Variants in PDE7B observed in about 807,000 individuals in gnomAD.
PDE7B encodes the protein 3',5'-cyclic-AMP phosphodiesterase 7B.
A neutral mutation model predicts 56.2 loss-of-function variants in PDE7B; 29 were observed. That is an observed-to-expected ratio of 0.52 (90% CI 0.38 to 0.70). The LOEUF (loss-of-function observed/expected upper bound fraction) is 0.70, where lower values mean the gene tolerates loss of function less well. PDE7B is among the 30% of genes least tolerant of loss of function. The probability of loss-of-function intolerance (pLI) is 0.00; values close to 1 mark genes in which losing one functional copy is unlikely to be tolerated. For synonymous variants in PDE7B, 197 were observed against 196.9 expected (o/e 1.00, Z 0.00); for missense variants, 490 against 565.0 (o/e 0.87, Z 1.35).
intron 2 of PDE7B, among the ~76,000 whole-genome samples, chr6:135,953,627 C>T (rs1383495353): frequency 6.6e-6 from 1 of 152,014 alleles, no homozygotes; most frequent in Admixed American, 6.6e-5. Context: ...TAAGTCCTTG[C>T]ACTTCATTTT....
At chr6:136,079,004 A>G (rs1422801385) in intron 2 of PDE7B, among the ~76,000 whole-genome samples, 1 of 152,172 alleles carries the variant, frequency 6.6e-6, no homozygotes. Context: ...TATACCCCTC[A>G]TACTGTTGTC....
intron 1 of PDE7B, among the ~76,000 whole-genome samples, chr6:135,924,770 G>A (rs1381473291): frequency 6.7e-6 from 1 of 150,348 alleles, no homozygotes; most frequent in African/African-American, 2.4e-5. Context: ...TAATGTAAAA[G>A]TATATTTACT....
At chr6:136,123,107 T>A (rs113519126) in intron 3 of PDE7B, among the ~76,000 whole-genome samples, 2,436 of 152,288 alleles carry the variant, frequency 0.016, 60 homozygotes, top group African/African-American at 0.054. Context: ...ATCCCGCACT[T>A]TGGGAGGCTG....
At chr6:135,942,669 C>G (rs377201041) in intron 1 of PDE7B, among the ~76,000 whole-genome samples, 2 of 152,092 alleles carry the variant, frequency 1.3e-5, no homozygotes, top group African/African-American at 4.8e-5. Context: ...ATCCCAAGCT[C>G]CTGGTAAATA....
intron 2 of PDE7B, among the ~76,000 whole-genome samples, chr6:136,033,452 G>A (rs1776274565): frequency 6.6e-6 from 1 of 152,130 alleles, no homozygotes; most frequent in African/African-American, 2.4e-5. Flanking sequence ...GGCCGGGCAG[G>A]TCCCCAGTAC....
intron 2 of PDE7B, among the ~76,000 whole-genome samples, chr6:136,079,465 C>T (rs1315137107): frequency 3.3e-5 from 5 of 152,022 alleles, no homozygotes; most frequent in Non-Finnish European, 7.4e-5. Context: ...TTCAATGGCT[C>T]CAGAGTAACA....
At chr6:136,131,616 A>C (rs1778119988) in intron 3 of PDE7B, among the ~76,000 whole-genome samples, 1 of 151,590 alleles carries the variant, frequency 6.6e-6, no homozygotes, top group African/African-American at 2.4e-5. Flanking sequence ...TCTTTTCCAA[A>C]GCTGGGGGCA....
At chr6:136,098,465 A>G (rs1422125230) in intron 2 of PDE7B, among the ~76,000 whole-genome samples, 1 of 152,196 alleles carries the variant, frequency 6.6e-6, no homozygotes, top group Admixed American at 6.5e-5. Flanking sequence ...TGTAAAAATT[A>G]TATTTAGTTT....
intron 7 of PDE7B, among the ~76,000 whole-genome samples, chr6:136,154,437 C>T (rs1317497267): frequency 2.0e-5 from 3 of 149,896 alleles, no homozygotes; most frequent in Non-Finnish European, 4.4e-5. Context: ...AAAAAAACTT[C>T]CTCTCTATGG....
At chr6:135,984,198 G>A (rs1372402591) in intron 2 of PDE7B, among the ~76,000 whole-genome samples, 1 of 152,220 alleles carries the variant, frequency 6.6e-6, no homozygotes, top group Non-Finnish European at 1.5e-5. Context: ...GTCAGCTTGA[G>A]GTTAGGAGTG....
At chr6:135,887,295 AAGATT>A (rs1775727001) in intron 1 of PDE7B, among the ~76,000 whole-genome samples, 3 of 152,170 alleles carry the variant, frequency 2.0e-5, no homozygotes, top group African/African-American at 7.2e-5. Flanking sequence ...AATATTTGCA[AAGATT>A]TGCTGAGCAT....
chr6:135,907,281 AC>A (rs1350617288), intron 1 of PDE7B, among the ~76,000 whole-genome samples: 1 of 152,130 alleles, frequency 6.6e-6, no homozygotes, highest in Non-Finnish European at 1.5e-5. Flanking sequence ...CTTTGAGACT[AC>A]CTTCCATTTC....
chr6:136,096,534 T>C (rs114643085), intron 2 of PDE7B, among the ~76,000 whole-genome samples: 1,947 of 150,878 alleles, frequency 0.013, 37 homozygotes, highest in African/African-American at 0.045. Flanking sequence ...TCTTGGAGTA[T>C]ATTTAAAGAT....
intron 2 of PDE7B, among the ~76,000 whole-genome samples, chr6:136,079,285 C>T (rs1480005466): frequency 6.6e-6 from 1 of 152,096 alleles, no homozygotes; most frequent in East Asian, 1.9e-4. Context: ...CTTTGTTCTC[C>T]GTTTGAAAAA....
chr6:135,979,887 T>C (rs889374948), intron 2 of PDE7B, among the ~76,000 whole-genome samples: 1 of 152,200 alleles, frequency 6.6e-6, no homozygotes, highest in African/African-American at 2.4e-5. Flanking sequence ...ATAGATTCAA[T>C]GCCATCCCCA....
intron 1 of PDE7B, among the ~76,000 whole-genome samples, chr6:135,931,827 C>T (rs1774295407): frequency 6.6e-6 from 1 of 152,232 alleles, no homozygotes; most frequent in South Asian, 2.1e-4. Context: ...GAATGGTAAT[C>T]TGTGTACAAA....
intron 3 of PDE7B, among the ~76,000 whole-genome samples, chr6:136,138,069 T>A (rs1317076554): frequency 6.6e-6 from 1 of 152,062 alleles, no homozygotes; most frequent in African/African-American, 2.4e-5. Flanking sequence ...TAACTGTAAA[T>A]GCCTTTAAGT....
intron 1 of PDE7B, among the ~76,000 whole-genome samples, chr6:135,853,103 C>A (rs1760033861): frequency 6.6e-6 from 1 of 152,150 alleles, no homozygotes; most frequent in Non-Finnish European, 1.5e-5. Flanking sequence ...CCCTATTACC[C>A]TTCTCAAAGT....
chr6:135,958,131 T>C (rs1268170436), intron 2 of PDE7B, among the ~76,000 whole-genome samples: 1 of 151,814 alleles, frequency 6.6e-6, no homozygotes, highest in Non-Finnish European at 1.5e-5. Flanking sequence ...ACTCAGGAGG[T>C]TGAGACACGA....
Sources: allele counts gnomAD v4.1 joint callset (sites outside exome capture counted in the v4.1 genomes callset), GRCh38; gene constraint gnomAD v4.1.1; transcripts MANE v1.5; gene names NCBI Gene and HGNC (gene_info 2026-07-23, HGNC 2026-07-21).